Variants in INTS15 observed in about 807,000 individuals in gnomAD.
INTS15 encodes the protein uncharacterized protein C7orf26.
At chr7:6,600,325 C>T in the INTS15 span, 1 of 1,613,596 alleles carries the variant, frequency 6.2e-7, no homozygotes, top group Non-Finnish European at 8.5e-7. Flanking sequence ...TGCAGGTGGC[C>T]ATGGCCTCAG....
chr7:6,590,607 C>T, the INTS15 span: 1 of 1,392,346 alleles, frequency 7.2e-7, no homozygotes, highest in Non-Finnish European at 9.3e-7. Context: ...CGGCCTCGCT[C>T]CTGCAGCAGC....
the INTS15 span, among the ~76,000 whole-genome samples, chr7:6,599,279 C>G: frequency 1.3e-5 from 2 of 152,142 alleles, no homozygotes; most frequent in Non-Finnish European, 2.9e-5. Flanking sequence ...GGCCACAGAG[C>G]CTGCCAGGTC....
chr7:6,607,915 G>A, the INTS15 span: 1 of 1,593,286 alleles, frequency 6.3e-7, no homozygotes. This position sits in a 1 kb window ranked among gnomAD's most constrained non-coding sequence, Gnocchi z 6.0. Flanking sequence ...CACCTGCGGA[G>A]TCCCCGGAGC....
chr7:6,600,495 GC>G, the INTS15 span: 2 of 917,268 alleles, frequency 2.2e-6, no homozygotes, highest in Non-Finnish European at 3.2e-6. Context: ...GGAGGAAGGT[GC>G]CCCAGCCGTG....
chr7:6,607,492 G>A, the INTS15 span: 4 of 1,290,652 alleles, frequency 3.1e-6, no homozygotes, highest in South Asian at 5.0e-5. This position sits in a 1 kb window ranked among gnomAD's most constrained non-coding sequence, Gnocchi z 6.0. Context: ...GTCCAGGCCT[G>A]GGCCGTCCCC....
chr7:6,600,027 C>T, the INTS15 span: 1 of 1,614,128 alleles, frequency 6.2e-7, no homozygotes, highest in African/African-American at 1.3e-5. Context: ...AAAAAGAAGC[C>T]CCCCTTATCC....
the INTS15 span, among the ~76,000 whole-genome samples, chr7:6,606,812 C>T: frequency 6.6e-6 from 1 of 151,632 alleles, no homozygotes; most frequent in African/African-American, 2.4e-5. Context: ...CTCAAGCAAT[C>T]CTCCTGCCCC....
the INTS15 span, among the ~76,000 whole-genome samples, chr7:6,605,353 C>G: frequency 5.3e-5 from 8 of 152,188 alleles, no homozygotes; most frequent in African/African-American, 1.9e-4. Flanking sequence ...TTGTTGGTAT[C>G]AGCTGGCACC....
At chr7:6,603,886 G>C in the INTS15 span, among the ~76,000 whole-genome samples, 1 of 151,972 alleles carries the variant, frequency 6.6e-6, no homozygotes, top group African/African-American at 2.4e-5. Flanking sequence ...TGTAATCCCA[G>C]CTATTCATTC....
the INTS15 span, chr7:6,594,314 A>G: frequency 9.9e-7 from 1 of 1,006,782 alleles, no homozygotes; most frequent in Non-Finnish European, 1.5e-6. Flanking sequence ...CCCCATTAAC[A>G]TCTTTTTTTT....
At chr7:6,591,426 C>T in the INTS15 span, among the ~76,000 whole-genome samples, 29 of 151,844 alleles carry the variant, frequency 1.9e-4, no homozygotes, top group Admixed American at 1.5e-3. Flanking sequence ...GCCACCATGC[C>T]GGCTAATTGT....
the INTS15 span, among the ~76,000 whole-genome samples, chr7:6,606,293 C>T: frequency 1.3e-5 from 2 of 152,254 alleles, no homozygotes; most frequent in African/African-American, 4.8e-5. Context: ...CTCAGCCCCT[C>T]CTGGGGGCCC....
chr7:6,601,726 G>A, the INTS15 span, among the ~76,000 whole-genome samples: 9 of 150,222 alleles, frequency 6.0e-5, no homozygotes, highest in South Asian at 4.2e-4. Context: ...GTGTGATCTC[G>A]GCTTACTGCA....
chr7:6,590,064 C>G, the INTS15 span: 2 of 290,234 alleles, frequency 6.9e-6, no homozygotes, highest in African/African-American at 2.2e-5. Flanking sequence ...CCCGGCGGCT[C>G]CTGGCGGCGC....
the INTS15 span, among the ~76,000 whole-genome samples, chr7:6,607,256 G>A: frequency 6.6e-6 from 1 of 152,092 alleles, no homozygotes; most frequent in Non-Finnish European, 1.5e-5. This position sits in a 1 kb window ranked among gnomAD's most constrained non-coding sequence, Gnocchi z 6.0. Context: ...AGGAAGTGCG[G>A]GCCGTGGTTG....
the INTS15 span, among the ~76,000 whole-genome samples, chr7:6,594,998 G>A: frequency 1.3e-5 from 2 of 151,694 alleles, no homozygotes; most frequent in East Asian, 3.9e-4. Flanking sequence ...AAACTGCTAG[G>A]ATTATAGGTG....
chr7:6,591,580 A>C, the INTS15 span: 1 of 1,416,846 alleles, frequency 7.1e-7, no homozygotes, highest in Non-Finnish European at 9.9e-7. Context: ...CTGTTTTCTT[A>C]ATGTATGAGT....
chr7:6,591,782 G>A, the INTS15 span: 8 of 1,613,950 alleles, frequency 5.0e-6, no homozygotes, highest in Admixed American at 1.7e-5. Context: ...GATGACAGCC[G>A]GATGAGCTTG....
the INTS15 span, among the ~76,000 whole-genome samples, chr7:6,595,089 A>C: frequency 6.6e-6 from 1 of 150,570 alleles, no homozygotes; most frequent in African/African-American, 2.5e-5. Context: ...TGGAGTGCAG[A>C]GGCGTGATCC....
Sources: allele counts gnomAD v4.1 joint callset (sites outside exome capture counted in the v4.1 genomes callset), GRCh38; gene constraint gnomAD v4.1.1; non-coding constraint Gnocchi (gnomAD v3.1); transcripts MANE v1.5; gene names NCBI Gene and HGNC (gene_info 2026-07-23, HGNC 2026-07-21).